The following PHKA2 variants were observed in gnomAD, a reference collection of about 807,000 sequenced individuals.
The protein encoded by PHKA2 is phosphorylase b kinase regulatory subunit alpha, liver isoform.
In PHKA2, 31 loss-of-function variants were observed where a neutral mutation model predicts 102.0. The ratio of observed to expected loss-of-function variants is 0.30; its 90% CI spans 0.23 to 0.41. The LOEUF is 0.41. Ranked by LOEUF, PHKA2 falls within the 10% of genes least tolerant of loss-of-function variation. The pLI, the probability that PHKA2 is intolerant of heterozygous loss-of-function variation, is 1.00. For synonymous variants in PHKA2, 455 were observed against 416.2 expected, an observed-to-expected ratio of 1.09 and a Z score of -1.13; for missense variants, 858 against 1,023.1, an observed-to-expected ratio of 0.84 and a Z score of 2.20.
intron 1 of PHKA2, among the ~76,000 whole-genome samples, chrX:18,970,941 C>G (rs766285780): frequency 2.7e-5 from 3 of 112,424 alleles, no homozygotes; most frequent in African/African-American, 9.7e-5. Context: ...GCCCATAAAG[C>G]CTTCCCATGA....
intron 32 of PHKA2, 104 bp downstream of exon 32, chrX:18,894,100 T>C: frequency 1.3e-6 from 1 of 766,058 alleles, no homozygotes; most frequent in African/African-American, 2.0e-5. Context: ...CCATCATCTG[T>C]GATGACATTT....
At chrX:18,948,948 A>T (rs894265890) in intron 4 of PHKA2, 122 bp from the exon 5 acceptor site, 1 of 511,990 alleles carries the variant, frequency 2.0e-6, no homozygotes, top group African/African-American at 2.3e-5. Flanking sequence ...TTCCAAAGGC[A>T]TCAAAAATGA....
At chrX:18,974,094 T>C (rs768340811) in intron 1 of PHKA2, among the ~76,000 whole-genome samples, 3 of 110,711 alleles carry the variant, frequency 2.7e-5, no homozygotes, top group African/African-American at 9.8e-5. Context: ...ACCTGCAATA[T>C]ATATGCTACA....
Position 18,893,697 on chromosome X carries a change from C to T in PHKA2, c.3538-42G>A, listed in dbSNP as rs778241067. Reference sequence around the variant, plus strand: ...CAGAGGGGACAATAAGCGGAGCCCCCACTCCCCGTCACGCTTCTGCGTGGT... The same window carrying T: ...CAGAGGGGACAATAAGCGGAGCCCCTACTCCCCGTCACGCTTCTGCGTGGT... On this transcript the variant is annotated intron_variant, in intron 32 of 32. Transcript: ENST00000379942. 5.2e-5 allele frequency: 59 copies of T among 1,125,806 alleles called. No individual in the cohort carries two copies. In the South Asian group the frequency reaches 5.8e-4, roughly 11 times the overall value. The allele number at this position is 1,125,806 out of a possible 1,213,427, so 92.8% of individuals were successfully genotyped here. A position where few individuals can be genotyped will look rare whatever the true frequency, so the allele number is the denominator to read the frequency against.
chrX:18,927,776 G>C (rs2048236390), intron 13 of PHKA2, among the ~76,000 whole-genome samples: 1 of 111,675 alleles, frequency 9.0e-6, no homozygotes, highest in Admixed American at 9.5e-5. Flanking sequence ...GCCATGCAGG[G>C]CTGGCTAGGT....
intron 13 of PHKA2, among the ~76,000 whole-genome samples, chrX:18,927,460 C>T (rs1036295356): frequency 4.5e-5 from 5 of 112,129 alleles, no homozygotes; most frequent in South Asian, 3.8e-4. Flanking sequence ...TGTCCAGCTG[C>T]GGCCGAGCCC....
chrX:18,938,840 A>G (rs2048439891), intron 9 of PHKA2, 91 bp from the exon 10 acceptor site: 1 of 861,102 alleles, frequency 1.2e-6, no homozygotes, highest in African/African-American at 2.0e-5. Context: ...TGCTTGACTG[A>G]TTTTTACAGC....
intron 12 of PHKA2, among the ~76,000 whole-genome samples, chrX:18,930,980 G>A (rs1194456907): frequency 9.0e-6 from 1 of 111,514 alleles, no homozygotes; most frequent in Non-Finnish European, 1.9e-5. Flanking sequence ...AGCTGGGCAG[G>A]ACCCTCTCAG....
chrX:18,911,409 G>A (rs1156653802), intron 19 of PHKA2, among the ~76,000 whole-genome samples: 2 of 111,628 alleles, frequency 1.8e-5, no homozygotes, highest in Non-Finnish European at 3.8e-5. Flanking sequence ...CCGACCTCAG[G>A]TGATCTGCCC....
chrX:18,912,044 T>C (rs778658052), intron 19 of PHKA2, among the ~76,000 whole-genome samples: 35 of 112,136 alleles, frequency 3.1e-4, no homozygotes, highest in African/African-American at 1.0e-3. Flanking sequence ...TATTTATTCA[T>C]TAAGCCATCC....
At chrX:18,925,198 A>G (rs1049051040) in intron 15 of PHKA2, among the ~76,000 whole-genome samples, 2 of 112,238 alleles carry the variant, frequency 1.8e-5, no homozygotes, top group Admixed American at 9.4e-5. Flanking sequence ...TAGCTGCCCA[A>G]ATGGGTGAAA....
chrX:18,916,810 C>A (rs779759670), intron 19 of PHKA2, among the ~76,000 whole-genome samples: 4 of 111,764 alleles, frequency 3.6e-5, no homozygotes, highest in Non-Finnish European at 5.6e-5. Context: ...CCAATTAGAC[C>A]TCTTTTCTTT....
chrX:18,922,866 T>G lies in PHKA2; in HGVS notation c.1793+1190A>C, dbSNP rs139288988. Among the ~76,000 whole-genome samples, 758 of 110,580 alleles carry G rather than the reference T, an allele frequency of 6.9e-3. 1 individual carries two copies. The highest frequency in any genetic ancestry group is 0.018 in the South Asian group (45 of 2,565). ...ATGTTATAGGTAAATTACCATAATT[T>G]TAAAAAAACGACAGTGACTTTGCTG... On this transcript the variant is annotated intron_variant, in intron 17 of 32. Transcript: ENST00000379942.
chrX:18,909,288 T>C (rs959339251), intron 20 of PHKA2, among the ~76,000 whole-genome samples: 1 of 112,291 alleles, frequency 8.9e-6, no homozygotes. Context: ...AAGGTGGTCA[T>C]TGATCCAGGT....
rs769077890 is a variant in PHKA2, at chrX:18,903,838, G to A, written c.2908+1920C>T. 4.5e-4 allele frequency among the ~76,000 whole-genome samples: 50 copies of A among 112,076 alleles called. 1 individual carries two copies. The highest frequency in any genetic ancestry group is 1.9e-3 in the South Asian group (5 of 2,693). The stretch of plus-strand genomic sequence containing the variant: ...ATCATTCTAAAAGGCAAGTGTGATC[G>A]TATCACTGCCCACTCCAAAGCCTCC... On this transcript the variant is annotated intron_variant, in intron 26 of 32. Transcript: ENST00000379942.
rs979192734 is a variant in PHKA2 at position 18,892,995 on chromosome X, A to G, written c.*490T>C. On this transcript the variant is annotated 3_prime_UTR_variant, in exon 33 of 33. Transcript: ENST00000379942. ...TTCCACAGAGAGACACAAGTGTTCT[A>G]TTTGGTGAAGAGTTTGGTGCACAGA... is the stretch of plus-strand genomic sequence containing the variant. 8 of 141,243 alleles carry G rather than the reference A, an allele frequency of 5.7e-5. No individual in the cohort carries two copies. The highest frequency in any genetic ancestry group is 1.1e-4 in the Non-Finnish European group (8 of 70,711). 11.6% of individuals were successfully genotyped at this position (141,243 alleles called of 1,213,427 possible). A position where few individuals can be genotyped will look rare whatever the true frequency, so the allele number is the denominator to read the frequency against.
chrX:18,956,098 TG>T lies in PHKA2; in HGVS notation c.79-1687del, dbSNP rs200730060. Reference sequence around the variant, plus strand: ...AAGCACTTTGGGAGGCTGAGGCGTGTGGATCACTTGAGGACAGGAGTTCGAG... The same window carrying T: ...AAGCACTTTGGGAGGCTGAGGCGTGTGATCACTTGAGGACAGGAGTTCGAG... On this transcript the variant is annotated intron_variant, in intron 1 of 32. Coordinates refer to ENST00000379942, the MANE Select transcript of PHKA2 (RefSeq NM_000292.3). Among the ~76,000 whole-genome samples, 677 of 111,797 alleles carry T rather than the reference TG, an allele frequency of 6.1e-3. 6 individuals are homozygous for T. The highest frequency in any genetic ancestry group is 0.02 in the African/African-American group (622 of 30,773).
At position 18,894,354 on chromosome X, in the gene PHKA2, G is replaced by A; in HGVS notation, c.3387C>T (p.Asn1129=). Residue 1129 remains asparagine, a synonymous_variant, in exon 32 of 33, where the codon AAC becomes AAT. Coordinates refer to ENST00000379942, the MANE Select transcript of PHKA2 (RefSeq NM_000292.3). ...GCCGGTACTCGGGCTGCGGCACGCG[G>A]TTCAGCACCGATTCGACATGGACAG... The part of the protein sequence containing the change: ...KFAVHVESVL[N]RVPQPEYRQL... The A allele has an allele frequency of 8.3e-7, 1 of 1,211,782 alleles. No individual in the cohort carries two copies. The highest frequency in any genetic ancestry group is 1.7e-5 in the African/African-American group (1 of 57,926).
At chrX:18,928,492 CAG>C (rs759195466) in intron 13 of PHKA2, among the ~76,000 whole-genome samples, 20 of 112,523 alleles carry the variant, frequency 1.8e-4, no homozygotes, top group Non-Finnish European at 3.6e-4. Context: ...TGTACAGTCT[CAG>C]GGGCAATATG....
Sources: gnomAD v4.1 joint callset for allele counts (sites outside exome capture counted in the v4.1 genomes callset) on GRCh38, gnomAD v4.1.1 for gene constraint, MANE v1.5 for transcripts, NCBI Gene and HGNC (gene_info 2026-07-23, HGNC 2026-07-21) for gene names.